CELF4: variants seen among roughly 807,000 people sequenced by gnomAD.
CELF4 encodes CUG-BP- and ETR-3-like factor 4.
CELF4 carries 18 observed loss-of-function variants against 59.9 expected under a neutral mutation model. That is an observed-to-expected ratio of 0.30 (90% CI 0.21 to 0.45). CELF4 has a LOEUF of 0.45. Among genes scored for constraint, CELF4 ranks in the 20% least tolerant of loss-of-function variants. The pLI is 1.00. For synonymous variants in CELF4, 261 were observed against 267.1 expected, an observed-to-expected ratio of 0.98 and a Z score of 0.22; for missense variants, 456 against 689.0, an observed-to-expected ratio of 0.66 and a Z score of 3.79.
chr18:37,285,561 C>T (rs2154398496), intron 3 of CELF4, among the ~76,000 whole-genome samples: 1 of 152,328 alleles, frequency 6.6e-6, no homozygotes, highest in African/African-American at 2.4e-5. Flanking sequence ...CTCCTTCACT[C>T]TCATCTCTTG....
At chr18:37,357,930 T>C (rs2098629231) in intron 2 of CELF4, among the ~76,000 whole-genome samples, 1 of 152,210 alleles carries the variant, frequency 6.6e-6, no homozygotes, top group South Asian at 2.1e-4. Flanking sequence ...ACCCAGCGCC[T>C]GTACCCCCAC....
At chr18:37,361,718 C>T (rs1425467959) in intron 2 of CELF4, among the ~76,000 whole-genome samples, 1 of 152,144 alleles carries the variant, frequency 6.6e-6, no homozygotes, top group East Asian at 1.9e-4. Flanking sequence ...GTCACTCCTG[C>T]TCATCAAGGA....
At chr18:37,359,105 CAAAA>C (rs2098657538) in intron 2 of CELF4, among the ~76,000 whole-genome samples, 1 of 150,862 alleles carries the variant, frequency 6.6e-6, no homozygotes, top group African/African-American at 2.5e-5. Flanking sequence ...CCAAAAAAAA[CAAAA>C]CAAAACAAAA....
At chr18:37,463,935 T>C (rs554864254) in intron 2 of CELF4, among the ~76,000 whole-genome samples, 4 of 152,180 alleles carry the variant, frequency 2.6e-5, no homozygotes, top group Middle Eastern at 3.4e-3. Flanking sequence ...CCTTGGTTTA[T>C]GGTAATGGCG....
chr18:37,503,976 G>A (rs751292898), intron 1 of CELF4, among the ~76,000 whole-genome samples: 1 of 152,206 alleles, frequency 6.6e-6, no homozygotes, highest in African/African-American at 2.4e-5. Context: ...CAAGAGAGTG[G>A]CTTCCAGAGA....
chr18:37,378,858 G>A (rs1027214589), intron 2 of CELF4, among the ~76,000 whole-genome samples: 7 of 152,184 alleles, frequency 4.6e-5, no homozygotes, highest in African/African-American at 9.7e-5. Context: ...CAGCATGGGA[G>A]GGGGCAGGAA....
At chr18:37,274,776 C>A in intron 5 of CELF4, 29 bp downstream of exon 5, 1 of 1,547,734 alleles carries the variant, frequency 6.5e-7, no homozygotes, top group Non-Finnish European at 8.7e-7. Flanking sequence ...CCGCTGCCCT[C>A]GCCCCCGCCC....
chr18:37,253,807 G>A lies in CELF4; in HGVS notation c.*4C>T. ...TCTCCCCCGGGGGACGCTCCCGCCG[G>A]CGCTCAGTACGGGCGATTGGCGTCT... On this transcript the variant is annotated 3_prime_UTR_variant, in exon 12 of 13. Coordinates refer to ENST00000420428, the MANE Select transcript of CELF4 (RefSeq NM_020180.4). The surrounding 1 kb of genome is among the most constrained non-coding windows in gnomAD (Gnocchi z 4.5). 1.3e-6 allele frequency: 2 copies of A among 1,597,596 alleles called. No individual in the cohort carries two copies. The highest frequency in any genetic ancestry group is 1.7e-6 in the Non-Finnish European group (2 of 1,172,232).
intron 2 of CELF4, among the ~76,000 whole-genome samples, chr18:37,379,125 C>A: frequency 6.6e-6 from 1 of 152,272 alleles, no homozygotes; most frequent in African/African-American, 2.4e-5. Flanking sequence ...GGGCCTCATC[C>A]AGTTGTTCAC....
chr18:37,468,128 T>C (rs1378888308), intron 2 of CELF4, among the ~76,000 whole-genome samples: 2 of 152,228 alleles, frequency 1.3e-5, no homozygotes, highest in African/African-American at 4.8e-5. Flanking sequence ...GAGAGCTCCA[T>C]GCTAGTTGAA....
At chr18:37,287,523 AG>A (rs1345307740) in intron 3 of CELF4, among the ~76,000 whole-genome samples, 2 of 152,330 alleles carry the variant, frequency 1.3e-5, no homozygotes, top group East Asian at 3.9e-4. Context: ...GGGCTTTGCA[AG>A]CCCCCTCTTC....
chr18:37,318,356 G>A (rs971903816), intron 3 of CELF4, among the ~76,000 whole-genome samples: 2 of 150,550 alleles, frequency 1.3e-5, no homozygotes, highest in Non-Finnish European at 3.0e-5. Flanking sequence ...CCTCCTGCCC[G>A]CTGCCGTCAT....
At chr18:37,353,760 GTTCT>G (rs1333914395) in intron 2 of CELF4, among the ~76,000 whole-genome samples, 1 of 131,268 alleles carries the variant, frequency 7.6e-6, no homozygotes, top group East Asian at 2.3e-4. Context: ...GGGGGGGGCA[GTTCT>G]TTCTTTTTTT....
At chr18:37,454,020 C>A (rs1428087743) in intron 2 of CELF4, among the ~76,000 whole-genome samples, 2 of 152,080 alleles carry the variant, frequency 1.3e-5, no homozygotes, top group East Asian at 1.9e-4. Context: ...GACTGAGCTG[C>A]CTTCTCCAAT....
intron 3 of CELF4, among the ~76,000 whole-genome samples, chr18:37,321,238 A>T (rs1258464317): frequency 6.6e-6 from 1 of 152,164 alleles, no homozygotes; most frequent in African/African-American, 2.4e-5. Flanking sequence ...GCCAGTCTCC[A>T]GTGGGCTCCA....
chr18:37,479,624 T>C (rs1262351410), intron 2 of CELF4, among the ~76,000 whole-genome samples: 1 of 152,034 alleles, frequency 6.6e-6, no homozygotes, highest in Non-Finnish European at 1.5e-5. Flanking sequence ...AAAGCATGAA[T>C]CCAGGTGAGA....
chr18:37,536,477 C>T (rs2099973599), intron 1 of CELF4, among the ~76,000 whole-genome samples: 1 of 152,234 alleles, frequency 6.6e-6, no homozygotes, highest in Non-Finnish European at 1.5e-5. Context: ...CAGCCCTCGG[C>T]AAGGGGTCCC....
At chr18:37,420,504 G>A (rs1413055081) in intron 2 of CELF4, among the ~76,000 whole-genome samples, 1 of 152,234 alleles carries the variant, frequency 6.6e-6, no homozygotes, top group Non-Finnish European at 1.5e-5. Flanking sequence ...GGAACTGTGT[G>A]AGCCAACGTG....
intron 1 of CELF4, among the ~76,000 whole-genome samples, chr18:37,494,325 G>A (rs1243127959): frequency 6.6e-6 from 1 of 152,208 alleles, no homozygotes; most frequent in Admixed American, 6.5e-5. Context: ...CTCCATCTAT[G>A]GTCAGGGCTG....
Sources: allele counts gnomAD v4.1 joint callset (sites outside exome capture counted in the v4.1 genomes callset), GRCh38; gene constraint gnomAD v4.1.1; non-coding constraint Gnocchi (gnomAD v3.1); transcripts MANE v1.5; gene names NCBI Gene and HGNC (gene_info 2026-07-23, HGNC 2026-07-21).